Variants in PCDHGB1 observed in about 807,000 individuals in gnomAD.
PCDHGB1 encodes the protein protocadherin gamma subfamily B, 1.
A neutral mutation model predicts 56.6 loss-of-function variants in PCDHGB1; 34 were observed. The observed-to-expected ratio is 0.60, with a 90% CI of 0.46 to 0.80. PCDHGB1 has a LOEUF of 0.80. Among genes scored for constraint, PCDHGB1 ranks in the 30% least tolerant of loss-of-function variants. PCDHGB1 has a pLI of 0.00. For synonymous variants in PCDHGB1, 561 were observed against 505.9 expected, an observed-to-expected ratio of 1.11 and a Z score of -1.46; for missense variants, 1,278 against 1,204.6, an observed-to-expected ratio of 1.06 and a Z score of -0.90.
At position 141,393,532 on chromosome 5, in the gene PCDHGB1, C is replaced by G. The variant is rs1411410420; in HGVS notation, c.2409+40863C>G. 1.4e-5 allele frequency: 23 copies of G among 1,613,886 alleles called. No homozygotes were observed. Among genetic ancestry groups the G allele is most frequent in the Non-Finnish European group, 1.9e-5 (23 of 1,179,916 alleles). On this transcript the variant is annotated intron_variant, in intron 1 of 3. Transcript: ENST00000523390. The stretch of plus-strand genomic sequence containing the variant: ...GTGTTGGATACAAATGACAATGCCC[C>G]GGTTTTTCCTCACCCGATTTACCGA...
intron 1 of PCDHGB1, chr5:141,398,136 C>G: frequency 6.4e-7 from 1 of 1,556,004 alleles, no homozygotes; most frequent in Non-Finnish European, 8.6e-7. Flanking sequence ...GGATGGGGAG[C>G]GGCGCCGGGG....
In PCDHGB1 at chr5:141,432,661, C is replaced by T; in HGVS notation, c.2410-62146C>T. ...TGCGCACGGCGCGAGCCCTGCTGGACAGAGACGCGCTCAAGCAGAGCCTCG... is the reference window on the plus strand; with the variant it reads ...TGCGCACGGCGCGAGCCCTGCTGGATAGAGACGCGCTCAAGCAGAGCCTCG... On this transcript the variant is annotated intron_variant, in intron 1 of 3. Transcript: ENST00000523390. This position sits in a 1 kb window ranked among gnomAD's most constrained non-coding sequence, Gnocchi z 6.0. 3.1e-6 allele frequency: 5 copies of T among 1,613,886 alleles called. No homozygotes were observed. In the South Asian group the frequency reaches 5.5e-5, roughly 18 times the overall value.
chr5:141,360,619 G>A, intron 1 of PCDHGB1: 2 of 1,614,012 alleles, frequency 1.2e-6, no homozygotes, highest in East Asian at 2.2e-5. Context: ...GGATTCAGAT[G>A]TTGGTCCTAA....
At chr5:141,426,480 C>T (rs1379758117) in intron 1 of PCDHGB1, 4 of 325,590 alleles carry the variant, frequency 1.2e-5, no homozygotes, top group Non-Finnish European at 1.8e-5. Flanking sequence ...TGACCTGAAA[C>T]CTTAGAGTTA....
chr5:141,460,377 T>C (rs1592666836), intron 1 of PCDHGB1, among the ~76,000 whole-genome samples: 1 of 152,342 alleles, frequency 6.6e-6, no homozygotes, highest in Non-Finnish European at 1.5e-5. Flanking sequence ...AGTTTTACCA[T>C]TTATAATTTG....
intron 1 of PCDHGB1, among the ~76,000 whole-genome samples, chr5:141,461,536 T>C (rs1424913303): frequency 1.3e-5 from 2 of 152,240 alleles, no homozygotes; most frequent in Non-Finnish European, 2.9e-5. Context: ...TTCTGGATAC[T>C]AGTCCTTTGT....
chr5:141,403,388 G>A (rs1376620471), intron 1 of PCDHGB1: 1 of 1,613,904 alleles, frequency 6.2e-7, no homozygotes, highest in African/African-American at 1.3e-5. Context: ...TAACGAAATC[G>A]CGGTTCCTGG....
chr5:141,447,942 T>C (rs1476141059), intron 1 of PCDHGB1, among the ~76,000 whole-genome samples: 2 of 151,740 alleles, frequency 1.3e-5, no homozygotes, highest in African/African-American at 4.8e-5. Context: ...AAAAATTAGC[T>C]GGGCATGGTG....
At chr5:141,399,635 T>C (rs1237333371) in intron 1 of PCDHGB1, 1 of 1,613,746 alleles carries the variant, frequency 6.2e-7, no homozygotes, top group Admixed American at 1.7e-5. Context: ...TACGTGTCCA[T>C]GAGCGCGCAA....
At chr5:141,481,035 G>C (rs1342607604) in intron 1 of PCDHGB1, among the ~76,000 whole-genome samples, 1 of 152,094 alleles carries the variant, frequency 6.6e-6, no homozygotes, top group Non-Finnish European at 1.5e-5. Flanking sequence ...TCCAGCCTGG[G>C]CGACAGAGCG....
intron 1 of PCDHGB1, chr5:141,355,189 G>T (rs1414390153): frequency 6.3e-7 from 1 of 1,590,758 alleles, no homozygotes; most frequent in Non-Finnish European, 8.6e-7. Flanking sequence ...GCGACTCCGC[G>T]GCGGGGTTGT....
intron 1 of PCDHGB1, chr5:141,375,342 T>C: frequency 6.2e-7 from 1 of 1,613,798 alleles, no homozygotes; most frequent in Non-Finnish European, 8.5e-7. Flanking sequence ...TTGTACAACA[T>C]CACTGTGACA....
intron 1 of PCDHGB1, chr5:141,371,497 T>C: frequency 1.2e-6 from 2 of 1,613,908 alleles, no homozygotes; most frequent in South Asian, 2.2e-5. Context: ...GCCGTTGCCC[T>C]GATCAAAACA....
intron 1 of PCDHGB1, chr5:141,415,738 AGGTTTTTT>A: frequency 1.9e-6 from 1 of 538,082 alleles, no homozygotes; most frequent in Non-Finnish European, 2.7e-6. Flanking sequence ...ATGTTTATTA[AGGTTTTTT>A]TTTTTTTTTT....
In PCDHGB1 at chr5:141,432,582, T is replaced by A. The variant is rs1561862595; in HGVS notation, c.2410-62225T>A. 2 of 1,613,236 alleles carry A rather than the reference T, an allele frequency of 1.2e-6. No homozygotes were observed. The highest frequency in any genetic ancestry group is 1.7e-6 in the Non-Finnish European group (2 of 1,179,922). On this transcript the variant is annotated intron_variant, in intron 1 of 3. Transcript: ENST00000523390. This position sits in a 1 kb window ranked among gnomAD's most constrained non-coding sequence, Gnocchi z 6.0. ...CAGAACGCCTGGCTGTCCTACCGTC[T>A]GCTCAAGGCCAGCGAGCCGGGACTC...
At chr5:141,370,322 C>T (rs1311185888) in intron 1 of PCDHGB1, 8 of 1,366,842 alleles carry the variant, frequency 5.9e-6, no homozygotes, top group Non-Finnish European at 7.0e-6. Context: ...GTTGGTCCTG[C>T]TCGGAGAACT....
intron 1 of PCDHGB1, chr5:141,410,184 A>G: frequency 6.2e-7 from 1 of 1,613,918 alleles, no homozygotes; most frequent in Non-Finnish European, 8.5e-7. Flanking sequence ...GCCACGCTTC[A>G]TCTGGTCTTC....
At chr5:141,410,849 C>CTTTTTCT (rs2095432763) in intron 1 of PCDHGB1, 1 of 129,786 alleles carries the variant, frequency 7.7e-6, no homozygotes, top group Non-Finnish European at 1.3e-5. Flanking sequence ...TTGTCTTTGT[C>CTTTTTCT]TTTTTTTTTT....
chr5:141,445,825 G>A (rs1031190864), intron 1 of PCDHGB1, among the ~76,000 whole-genome samples: 8 of 152,124 alleles, frequency 5.3e-5, no homozygotes, highest in Non-Finnish European at 1.2e-4. Context: ...AATAAGGCAG[G>A]GAGAGCCTTG....
Sources: gnomAD v4.1 joint callset for allele counts (sites outside exome capture counted in the v4.1 genomes callset) on GRCh38, gnomAD v4.1.1 for gene constraint, Gnocchi (gnomAD v3.1) non-coding constraint, MANE v1.5 for transcripts, NCBI Gene and HGNC (gene_info 2026-07-23, HGNC 2026-07-21) for gene names.